CAPZB: variants seen among roughly 807,000 people sequenced by gnomAD.
The protein encoded by CAPZB is F-actin-capping protein subunit beta.
A neutral mutation model predicts 38.1 loss-of-function variants in CAPZB; 2 were observed. The observed-to-expected ratio is 0.05, with a 90% CI of 0.02 to 0.17. CAPZB has a LOEUF of 0.17. Ranked by LOEUF, CAPZB falls within the 10% of genes least tolerant of loss-of-function variation. CAPZB has a pLI of 1.00. For synonymous variants in CAPZB, 107 were observed against 127.4 expected (o/e 0.84, Z 1.08); for missense variants, 161 against 334.2 (o/e 0.48, Z 4.04).
chr1:19,412,136 G>C (rs1460978403), intron 2 of CAPZB, among the ~76,000 whole-genome samples: 2 of 152,178 alleles, frequency 1.3e-5, no homozygotes, highest in Non-Finnish European at 2.9e-5. Context: ...TTTTCTCCTT[G>C]TAAAACGGGA....
At chr1:19,406,069 G>T (rs1404559393) in intron 2 of CAPZB, among the ~76,000 whole-genome samples, 1 of 152,214 alleles carries the variant, frequency 6.6e-6, no homozygotes, top group Non-Finnish European at 1.5e-5. Context: ...GGTCTCTAAT[G>T]AACCTTAATT....
intron 1 of CAPZB, chr1:19,484,433 C>G: frequency 6.6e-7 from 1 of 1,508,732 alleles, no homozygotes; most frequent in Non-Finnish European, 8.8e-7. Context: ...CCGGCCTGCC[C>G]TGCAGAATGC....
chr1:19,465,704 A>C (rs1413533547), intron 1 of CAPZB, among the ~76,000 whole-genome samples: 1 of 152,138 alleles, frequency 6.6e-6, no homozygotes, highest in Non-Finnish European at 1.5e-5. Context: ...ATCTAACCAG[A>C]GCTGAATGTA....
intron 1 of CAPZB, among the ~76,000 whole-genome samples, chr1:19,448,270 T>C (rs1470121942): frequency 6.6e-6 from 1 of 152,250 alleles, no homozygotes; most frequent in Non-Finnish European, 1.5e-5. Context: ...CTTTTCCAAG[T>C]GGCAGAGCTC....
intron 6 of CAPZB, among the ~76,000 whole-genome samples, chr1:19,352,731 T>C (rs1474617359): frequency 6.6e-6 from 1 of 152,272 alleles, no homozygotes; most frequent in Non-Finnish European, 1.5e-5. Context: ...TTTGCCAGAA[T>C]ACTTTAGCTG....
At chr1:19,405,384 T>G (rs1236718014) in intron 2 of CAPZB, among the ~76,000 whole-genome samples, 2 of 151,858 alleles carry the variant, frequency 1.3e-5, no homozygotes, top group Non-Finnish European at 2.9e-5. Context: ...AGATAAAACG[T>G]GGAGATTTGG....
chr1:19,370,383 T>G (rs1292477576), intron 4 of CAPZB, among the ~76,000 whole-genome samples: 4 of 152,168 alleles, frequency 2.6e-5, no homozygotes, highest in African/African-American at 9.7e-5. Flanking sequence ...CAAAGGAGGC[T>G]GAGGGAGAAG....
chr1:19,432,998 T>C (rs1338919293), intron 1 of CAPZB, among the ~76,000 whole-genome samples: 1 of 152,200 alleles, frequency 6.6e-6, no homozygotes, highest in African/African-American at 2.4e-5. Context: ...GGCAGGTGGA[T>C]TTGTCGAAAA....
At chr1:19,438,615 C>T (rs2094465791) in intron 1 of CAPZB, among the ~76,000 whole-genome samples, 2 of 152,288 alleles carry the variant, frequency 1.3e-5, no homozygotes, top group African/African-American at 4.8e-5. Flanking sequence ...CTCAGAAAGG[C>T]CACGAAGACC....
intron 4 of CAPZB, among the ~76,000 whole-genome samples, chr1:19,371,693 C>T (rs957052588): frequency 1.3e-5 from 2 of 152,016 alleles, no homozygotes; most frequent in African/African-American, 2.4e-5. Context: ...CTCAGCTGCC[C>T]GCTCACACTT....
intron 2 of CAPZB, among the ~76,000 whole-genome samples, chr1:19,389,933 C>G (rs1440592047): frequency 6.6e-6 from 1 of 152,216 alleles, no homozygotes; most frequent in East Asian, 1.9e-4. Context: ...TCACCTTACT[C>G]CTTCCTCACC....
At chr1:19,371,546 AAG>A (rs2094119656) in intron 4 of CAPZB, among the ~76,000 whole-genome samples, 1 of 152,158 alleles carries the variant, frequency 6.6e-6, no homozygotes. Context: ...AGAAAAGACA[AAG>A]AGAGAATCCA....
intron 1 of CAPZB, among the ~76,000 whole-genome samples, chr1:19,454,549 C>A (rs796241000): frequency 2.0e-5 from 3 of 152,250 alleles, no homozygotes; most frequent in African/African-American, 7.2e-5. Context: ...TTACAACAAC[C>A]CTCTGAGTCA....
chr1:19,370,862 C>A (rs1322199227), intron 4 of CAPZB, among the ~76,000 whole-genome samples: 4 of 152,204 alleles, frequency 2.6e-5, no homozygotes, highest in Non-Finnish European at 5.9e-5. Flanking sequence ...TTTGCTCTTC[C>A]CCACCGCAGG....
At chr1:19,484,291 C>A in intron 1 of CAPZB, 1 of 1,609,788 alleles carries the variant, frequency 6.2e-7, no homozygotes, top group South Asian at 1.1e-5. Flanking sequence ...GTGTCCAGGC[C>A]ATATGCTGGA....
At chr1:19,478,280 T>G (rs1200354516) in intron 1 of CAPZB, among the ~76,000 whole-genome samples, 1 of 152,144 alleles carries the variant, frequency 6.6e-6, no homozygotes, top group Non-Finnish European at 1.5e-5. Context: ...GGTTGGGAAG[T>G]TAAATGAAAC....
intron 1 of CAPZB, among the ~76,000 whole-genome samples, chr1:19,464,582 G>A (rs1038922391): frequency 6.6e-5 from 10 of 152,026 alleles, no homozygotes; most frequent in Non-Finnish European, 1.0e-4. Flanking sequence ...GTAAGCCACC[G>A]CACCCGGCCC....
Position 19,440,836 on chromosome 1 carries a change from A to G in CAPZB, c.4-21086T>C, listed in dbSNP as rs183765241. On this transcript the variant is annotated intron_variant, in intron 1 of 8. Transcript: ENST00000264202. ...AGCACTTTGGGAGGCCGAGGAGGGCAGATCACAAAGTCAGGAGATCGAGAC... is the reference window on the plus strand; with the variant it reads ...AGCACTTTGGGAGGCCGAGGAGGGCGGATCACAAAGTCAGGAGATCGAGAC... Among the ~76,000 whole-genome samples, 29 of 152,342 alleles carry G rather than the reference A, an allele frequency of 1.9e-4. No individual in the cohort carries two copies. In the East Asian group the frequency reaches 2.1e-3, roughly 11 times the overall value.
intron 1 of CAPZB, among the ~76,000 whole-genome samples, chr1:19,431,737 A>G (rs1024756233): frequency 2.1e-5 from 3 of 140,140 alleles, no homozygotes; most frequent in African/African-American, 8.9e-5. Flanking sequence ...TAAAAAATAA[A>G]AAATAAAAAA....
Sources: gnomAD v4.1 joint callset for allele counts (sites outside exome capture counted in the v4.1 genomes callset) on GRCh38, gnomAD v4.1.1 for gene constraint, MANE v1.5 for transcripts, NCBI Gene and HGNC (gene_info 2026-07-23, HGNC 2026-07-21) for gene names.